Variants in LRMDA observed in about 807,000 individuals in gnomAD.
The protein encoded by LRMDA is leucine rich melanocyte differentiation associated, also known as leucine-rich melanocyte differentiation-associated protein.
Under a neutral mutation model 29.8 loss-of-function variants are expected in LRMDA, and 18 were observed. The ratio of observed to expected loss-of-function variants is 0.60; its 90% CI spans 0.42 to 0.90. The LOEUF is 0.90. Ranked by LOEUF, LRMDA falls within the 40% of genes least tolerant of loss-of-function variation. The pLI is 0.00. For missense variants in LRMDA, 273 were observed against 273.9 expected (o/e 1.00, Z 0.02); for synonymous variants, 125 against 109.4 (o/e 1.14, Z -0.89).
chr10:75,724,694 G>A (rs1433091802), intron 2 of LRMDA, among the ~76,000 whole-genome samples: 1 of 152,162 alleles, frequency 6.6e-6, no homozygotes, highest in East Asian at 1.9e-4. Flanking sequence ...ATCTCAGCGA[G>A]TGGGTTAAGC....
chr10:76,545,992 G>T (rs1015524096), intron 6 of LRMDA, among the ~76,000 whole-genome samples: 2 of 152,108 alleles, frequency 1.3e-5, no homozygotes, highest in Non-Finnish European at 2.9e-5. Context: ...TCTGGGGAAC[G>T]GGGCTTGGCA....
At chr10:76,111,005 C>T (rs898172928) in intron 5 of LRMDA, among the ~76,000 whole-genome samples, 2 of 152,174 alleles carry the variant, frequency 1.3e-5, no homozygotes, top group Admixed American at 1.3e-4. Context: ...GTGTCATTCT[C>T]CATCCACAAC....
chr10:75,683,902 A>G (rs1842053115), intron 2 of LRMDA, among the ~76,000 whole-genome samples: 1 of 152,214 alleles, frequency 6.6e-6, no homozygotes, highest in East Asian at 1.9e-4. Flanking sequence ...GACTAGGTCT[A>G]TGTGGGAAGT....
At chr10:76,490,502 T>C (rs1320794831) in intron 6 of LRMDA, among the ~76,000 whole-genome samples, 1 of 151,936 alleles carries the variant, frequency 6.6e-6, no homozygotes, top group African/African-American at 2.4e-5. Context: ...TATATTCTCT[T>C]GCTGAATTGA....
intron 6 of LRMDA, among the ~76,000 whole-genome samples, chr10:76,481,147 A>G (rs1261020696): frequency 6.6e-6 from 1 of 151,956 alleles, no homozygotes; most frequent in Non-Finnish European, 1.5e-5. Flanking sequence ...CCTGCTTTCT[A>G]CAATTCTATT....
At chr10:76,246,362 G>A (rs958078625) in intron 5 of LRMDA, among the ~76,000 whole-genome samples, 1 of 152,178 alleles carries the variant, frequency 6.6e-6, no homozygotes, top group Non-Finnish European at 1.5e-5. Flanking sequence ...ACCACCTCAT[G>A]GTAGGACCTT....
intron 2 of LRMDA, among the ~76,000 whole-genome samples, chr10:75,695,075 GGTGAGA>G (rs145616127): frequency 0.021 from 3,155 of 152,186 alleles, 123 homozygotes; most frequent in African/African-American, 0.073. Flanking sequence ...CTATTGAGTA[GGTGAGA>G]GTCGAGGTCT....
intron 2 of LRMDA, among the ~76,000 whole-genome samples, chr10:75,526,015 T>C (rs1478745480): frequency 6.6e-6 from 1 of 151,884 alleles, no homozygotes; most frequent in East Asian, 1.9e-4. Context: ...TCACCCCTGG[T>C]AAATATTTGT....
intron 2 of LRMDA, among the ~76,000 whole-genome samples, chr10:75,724,772 G>C (rs753382052): frequency 9.2e-5 from 14 of 152,224 alleles, no homozygotes; most frequent in Non-Finnish European, 1.3e-4. Flanking sequence ...CAGCATAGGA[G>C]AGTGTCGGCT....
chr10:76,175,581 A>C (rs1324086229), intron 5 of LRMDA, among the ~76,000 whole-genome samples: 1 of 152,206 alleles, frequency 6.6e-6, no homozygotes, highest in African/African-American at 2.4e-5. Flanking sequence ...AGGATTCACA[A>C]ACCAAAGTGA....
intron 5 of LRMDA, among the ~76,000 whole-genome samples, chr10:76,276,341 G>T (rs1267915146): frequency 2.0e-5 from 3 of 151,326 alleles, no homozygotes; most frequent in African/African-American, 4.9e-5. Context: ...ATGGGGTCTT[G>T]CTCTGTTGTC....
At chr10:75,599,533 A>G (rs1481016029) in intron 2 of LRMDA, among the ~76,000 whole-genome samples, 1 of 152,168 alleles carries the variant, frequency 6.6e-6, no homozygotes, top group Non-Finnish European at 1.5e-5. Context: ...TATGGTGAGT[A>G]TGGATTGCAG....
chr10:76,189,902 A>C (rs1360922732), intron 5 of LRMDA, among the ~76,000 whole-genome samples: 1 of 152,172 alleles, frequency 6.6e-6, no homozygotes, highest in African/African-American at 2.4e-5. Flanking sequence ...CGCCCTGCAC[A>C]CAGTGCATCA....
chr10:75,684,515 A>G (rs1255835234), intron 2 of LRMDA, among the ~76,000 whole-genome samples: 3 of 152,330 alleles, frequency 2.0e-5, no homozygotes, highest in African/African-American at 7.2e-5. Flanking sequence ...AAATAAATAT[A>G]AAAAGTAGCA....
chr10:75,431,795 C>A, intron 1 of LRMDA, 41 bp downstream of exon 1: 2 of 1,328,270 alleles, frequency 1.5e-6, no homozygotes, highest in Non-Finnish European at 1.9e-6. Context: ...GGGCGCAGTC[C>A]GCGTGGGGAG....
At chr10:76,346,234 A>G (rs1430041770) in intron 6 of LRMDA, among the ~76,000 whole-genome samples, 1 of 152,296 alleles carries the variant, frequency 6.6e-6, no homozygotes, top group Non-Finnish European at 1.5e-5. Flanking sequence ...AGGGTGAAAA[A>G]GGACTTCAGA....
intron 2 of LRMDA, among the ~76,000 whole-genome samples, chr10:75,453,791 A>G (rs1844485575): frequency 1.3e-5 from 2 of 152,200 alleles, no homozygotes; most frequent in African/African-American, 4.8e-5. Flanking sequence ...ACTCGCTCGC[A>G]TGTCATATGT....
chr10:76,131,762 A>G (rs565115354), intron 5 of LRMDA, among the ~76,000 whole-genome samples: 1 of 152,222 alleles, frequency 6.6e-6, no homozygotes, highest in South Asian at 2.1e-4. Flanking sequence ...TTAGCCATGC[A>G]CATTCTCTCT....
At chr10:76,360,761 C>T (rs183875378) in intron 6 of LRMDA, among the ~76,000 whole-genome samples, 3 of 152,278 alleles carry the variant, frequency 2.0e-5, no homozygotes, top group Non-Finnish European at 2.9e-5. Context: ...CCTGAAACTC[C>T]AAAACCCCCT....
Sources: gnomAD v4.1 joint callset for allele counts (sites outside exome capture counted in the v4.1 genomes callset) on GRCh38, gnomAD v4.1.1 for gene constraint, MANE v1.5 for transcripts, NCBI Gene and HGNC (gene_info 2026-07-23, HGNC 2026-07-21) for gene names.